Variants in ABLIM2 observed in about 807,000 individuals in gnomAD.
The protein encoded by ABLIM2 is actin binding LIM protein family member 2, also known as actin-binding LIM protein 2.
A neutral mutation model predicts 97.7 loss-of-function variants in ABLIM2; 53 were observed. That is an observed-to-expected ratio of 0.54 (90% confidence interval 0.44 to 0.68). The LOEUF (loss-of-function observed/expected upper bound fraction) is 0.68. ABLIM2 is among the 30% of genes least tolerant of loss of function. The pLI is 0.00. For synonymous variants in ABLIM2, 361 were observed against 345.8 expected (o/e 1.04, Z -0.49); for missense variants, 835 against 867.2 (o/e 0.96, Z 0.47).
At chr4:8,119,223 G>C (rs189972656) in intron 1 of ABLIM2, among the ~76,000 whole-genome samples, 14 of 152,164 alleles carry the variant, frequency 9.2e-5, no homozygotes, top group Admixed American at 2.6e-4. Context: ...TCTCACTTCT[G>C]AGGTGAGGTG....
At position 8,009,100 on chromosome 4, in the gene ABLIM2, C is replaced by T. The variant is rs774733942; in HGVS notation, c.1426G>A (p.Ala476Thr). Residue 476 changes from alanine (A) to threonine (T), a missense_variant and splice_region_variant, in exon 15 of 21, where the codon GCC becomes ACC. Transcript: ENST00000447017. ...CCATCCTCCCCATCCGATCGCCTGGCAGCTGGAAGGGAAAAATCCATTTGT... is the reference window on the plus strand; with the variant it reads ...CCATCCTCCCCATCCGATCGCCTGGTAGCTGGAAGGGAAAAATCCATTTGT... ...RKPPIYRQHA[A>T]RRSDGEDGSL... The T allele has an allele frequency of 8.7e-6, 14 of 1,613,912 alleles. No individual in the cohort carries two copies. Among genetic ancestry groups the T allele is most frequent in the African/African-American group, 1.3e-5 (1 of 74,936 alleles).
intron 1 of ABLIM2, among the ~76,000 whole-genome samples, chr4:8,141,190 T>C (rs1850928960): frequency 6.6e-6 from 1 of 151,334 alleles, no homozygotes; most frequent in African/African-American, 2.4e-5. Flanking sequence ...CCACCCCCTC[T>C]CCCCACCCCC....
intron 1 of ABLIM2, among the ~76,000 whole-genome samples, chr4:8,151,484 A>C (rs960090182): frequency 1.3e-5 from 2 of 152,164 alleles, no homozygotes; most frequent in East Asian, 1.9e-4. Flanking sequence ...ACAGGCGGCA[A>C]GGCACCTCCC....
Position 7,992,124 on chromosome 4 carries a change from C to G in ABLIM2, c.1680+742G>C, listed in dbSNP as rs549373213. Among the ~76,000 whole-genome samples, 15 of 152,154 alleles carry G rather than the reference C, an allele frequency of 9.9e-5. No individual in the cohort carries two copies. The highest frequency in any genetic ancestry group is 3.6e-4 in the African/African-American group (15 of 41,502). On this transcript the variant is annotated intron_variant, in intron 17 of 20. Transcript: ENST00000447017. The surrounding 1 kb of genome is among the most constrained non-coding windows in gnomAD (Gnocchi z 5.7). ...GGGTCTGGGACCAGCAAGCCTGCCC[C>G]ACCCTAAGGATCCTCACTGGGGACC... is the stretch of plus-strand genomic sequence containing the variant.
chr4:8,143,163 G>GGC (rs1554123527), intron 1 of ABLIM2, among the ~76,000 whole-genome samples: 19 of 148,654 alleles, frequency 1.3e-4, no homozygotes, highest in African/African-American at 3.7e-4. Context: ...CGAGAGTGGG[G>GGC]GGGGGGGGCG....
At chr4:8,017,226 T>A (rs912487551) in intron 14 of ABLIM2, among the ~76,000 whole-genome samples, 2 of 152,112 alleles carry the variant, frequency 1.3e-5, no homozygotes, top group African/African-American at 4.8e-5. Flanking sequence ...TGACCATTCC[T>A]GACTGTTCAG....
rs529009508 is a variant in ABLIM2 at position 8,088,211 on chromosome 4, C to T, written c.412G>A (p.Val138Ile). 44 of 1,612,496 alleles carry T rather than the reference C, an allele frequency of 2.7e-5. No homozygotes were observed. The highest frequency in any genetic ancestry group is 1.7e-4 in the Middle Eastern group (1 of 6,056). Residue 138 changes from valine to isoleucine, a missense_variant, in exon 4 of 21, where the codon GTA (valine) becomes ATA (isoleucine). Val to Ile is a conservative substitution (Grantham distance 29). Coordinates refer to ENST00000447017, the MANE Select transcript of ABLIM2 (RefSeq NM_001130083.2). ...ECMCQKCSLP[V>I]SVGSSAHLSQ... ...AGGTGCGCGCTGCTGCCCACCGATACGGGCAGGGAACACTTCTGGCACATG... is the reference window on the plus strand; with the variant it reads ...AGGTGCGCGCTGCTGCCCACCGATATGGGCAGGGAACACTTCTGGCACATG...
intron 5 of ABLIM2, among the ~76,000 whole-genome samples, chr4:8,079,956 C>T (rs908291485): frequency 6.6e-6 from 1 of 152,316 alleles, no homozygotes; most frequent in East Asian, 1.9e-4. Context: ...GCCTTCAGCT[C>T]GTCCACATAT....
In ABLIM2 at chr4:8,066,962, C is replaced by T. The variant is rs181202077; in HGVS notation, c.676-5908G>A. On this transcript the variant is annotated intron_variant, in intron 6 of 20. Coordinates refer to ENST00000447017, the MANE Select transcript of ABLIM2 (RefSeq NM_001130083.2). ...AAATGGCCAACTTTTGAATGACCAA[C>T]CACATACCAAGCATTGTGTCAGGTG... 7.1e-3 allele frequency: 1,075 copies of T among 152,380 alleles called. 10 individuals are homozygous for T. Among genetic ancestry groups the T allele is most frequent in the Non-Finnish European group, 0.011 (776 of 68,062 alleles). The allele number at this position is 152,380 out of a possible 1,614,324, so 9.4% of individuals were successfully genotyped here.
At chr4:8,099,443 C>G (rs1212670723) in intron 2 of ABLIM2, among the ~76,000 whole-genome samples, 1 of 152,176 alleles carries the variant, frequency 6.6e-6, no homozygotes, top group Non-Finnish European at 1.5e-5. Flanking sequence ...GAGTCCACTC[C>G]CGGGAGCACC....
At chr4:8,079,215 G>A (rs538617627) in intron 5 of ABLIM2, among the ~76,000 whole-genome samples, 6 of 152,356 alleles carry the variant, frequency 3.9e-5, no homozygotes, top group Admixed American at 3.3e-4. Context: ...TCCAAATGCC[G>A]CTGACCTCAG....
At position 8,058,408 on chromosome 4, in the gene ABLIM2, G is replaced by A. The variant is rs979031337; in HGVS notation, c.763+2559C>T. On this transcript the variant is annotated intron_variant, in intron 7 of 20. Transcript: ENST00000447017. The surrounding 1 kb of genome is among the most constrained non-coding windows in gnomAD (Gnocchi z 4.2). ...GATCCACGGCCCTGTGACAATGGCC[G>A]CATGAGGTCATTCAACAGCCCGCAG... is the stretch of plus-strand genomic sequence containing the variant. Among the ~76,000 whole-genome samples the A allele has an allele frequency of 1.3e-4, 20 of 152,200 alleles. No homozygotes were observed. Among genetic ancestry groups the A allele is most frequent in the Non-Finnish European group, 2.8e-4 (19 of 68,042 alleles).
At chr4:7,967,586 C>T (rs541238313) in intron 20 of ABLIM2, among the ~76,000 whole-genome samples, 20 of 152,334 alleles carry the variant, frequency 1.3e-4, no homozygotes, top group South Asian at 4.1e-4. Context: ...ATGCCAGGCA[C>T]GGCCCAGGCC....
intron 9 of ABLIM2, among the ~76,000 whole-genome samples, chr4:8,039,041 C>T (rs760492600): frequency 6.6e-6 from 1 of 152,156 alleles, no homozygotes; most frequent in Admixed American, 6.5e-5. Flanking sequence ...CCCACACCCC[C>T]GCAACAAGTT....
At chr4:7,973,093 G>A (rs1729537828) in intron 20 of ABLIM2, among the ~76,000 whole-genome samples, 1 of 150,632 alleles carries the variant, frequency 6.6e-6, no homozygotes, top group Non-Finnish European at 1.5e-5. Context: ...GTGTGTGTGT[G>A]TGTGTGTGTG....
rs183717007 is a variant in ABLIM2, at chr4:8,125,407, T to C, written c.11-18770A>G. 9.7e-4 allele frequency among the ~76,000 whole-genome samples: 148 copies of C among 152,382 alleles called. 1 individual carries two copies. Among genetic ancestry groups the C allele is most frequent in the Admixed American group, 3.5e-3 (54 of 15,312 alleles). ...AATAGAATTGCATCTATGTGACTGC[T>C]AGTTTTAATTGTGGATACCCTTGCT... On this transcript the variant is annotated intron_variant, in intron 1 of 20. Transcript: ENST00000447017. This position sits in a 1 kb window ranked among gnomAD's most constrained non-coding sequence, Gnocchi z 6.2.
intron 1 of ABLIM2, among the ~76,000 whole-genome samples, chr4:8,146,977 T>C (rs1246420676): frequency 1.3e-5 from 2 of 152,208 alleles, no homozygotes; most frequent in Non-Finnish European, 2.9e-5. Flanking sequence ...TGGACAGGAA[T>C]TTCCTTAGCC....
At chr4:8,062,773 A>C (rs1804234712) in intron 6 of ABLIM2, among the ~76,000 whole-genome samples, 1 of 152,142 alleles carries the variant, frequency 6.6e-6, no homozygotes, top group African/African-American at 2.4e-5. Context: ...TAAATCAGAG[A>C]TTGAGACAGC....
chr4:8,124,102 C>A lies in ABLIM2; in HGVS notation c.11-17465G>T, dbSNP rs189596215. On this transcript the variant is annotated intron_variant, in intron 1 of 20. Transcript: ENST00000447017. The surrounding 1 kb of genome is among the most constrained non-coding windows in gnomAD (Gnocchi z 6.1). ...ACAAAAACCACACACTCTCACACACCTGGGACATATGATATGACATCACAA... is the reference window on the plus strand; with the variant it reads ...ACAAAAACCACACACTCTCACACACATGGGACATATGATATGACATCACAA... Among the ~76,000 whole-genome samples, 10 of 152,138 alleles carry A rather than the reference C, an allele frequency of 6.6e-5. No individual in the cohort carries two copies. The highest frequency in any genetic ancestry group is 1.3e-4 in the Non-Finnish European group (9 of 68,032).
Sources: gnomAD v4.1 joint callset for allele counts (sites outside exome capture counted in the v4.1 genomes callset) on GRCh38, gnomAD v4.1.1 for gene constraint, Gnocchi (gnomAD v3.1) non-coding constraint, MANE v1.5 for transcripts, NCBI Gene and HGNC (gene_info 2026-07-23, HGNC 2026-07-21) for gene names.